TMEM200C: variants seen among roughly 807,000 people sequenced by gnomAD.
TMEM200C encodes the protein transmembrane protein TTMA.
For synonymous variants in TMEM200C, 462 were observed against 324.7 expected (o/e 1.42, Z -4.55); for missense variants, 966 against 699.9 (o/e 1.38, Z -4.29).
Position 5,891,027 on chromosome 18 carries a change from G to C in TMEM200C, c.1037C>G (p.Ala346Gly). Residue 346 changes from alanine (A) to glycine (G), a missense_variant, in exon 3 of 3, where the codon GCC (alanine) becomes GGC (glycine). Transcript: ENST00000581347. This position sits in a 1 kb window ranked among gnomAD's most constrained non-coding sequence, Gnocchi z 4.7. Reference sequence around the variant, plus strand: ...CGCCGGACTGCTGCAGCTGCTAGCGGCTGCGGCGGCGGTGGCAGCGGCGGC... The same window carrying C: ...CGCCGGACTGCTGCAGCTGCTAGCGCCTGCGGCGGCGGTGGCAGCGGCGGC... 1 of 566,642 alleles carries C rather than the reference G, an allele frequency of 1.8e-6. No homozygotes were observed. Among genetic ancestry groups the C allele is most frequent in the Non-Finnish European group, 3.1e-6 (1 of 326,636 alleles). The allele number at this position is 566,642 out of a possible 1,614,324, so 35.1% of individuals were successfully genotyped here. A position where few individuals can be genotyped will look rare whatever the true frequency, so the allele number is the denominator to read the frequency against.
exon 3 of TMEM200C, chr18:5,886,566 C>A (rs1329384719): frequency 6.6e-6 from 1 of 152,000 alleles, no homozygotes; most frequent in Non-Finnish European, 1.5e-5. Context: ...TATGGTTGTC[C>A]CTAACTACTG....
exon 3 of TMEM200C, chr18:5,882,496 A>T (rs761670027): frequency 2.0e-5 from 3 of 152,184 alleles, no homozygotes; most frequent in Admixed American, 6.5e-5. Flanking sequence ...AATCAAAGAA[A>T]GGTTCTAGTT....
chr18:5,891,730 G>A lies in TMEM200C; in HGVS notation c.334C>T (p.Arg112Trp), dbSNP rs1232506672. Reference sequence around the variant, plus strand: ...GGAGCCCTAGGGTGGCTCCTGGACCGGTTTTTGCTGCCACTGCTACTGCTG... The same window carrying A: ...GGAGCCCTAGGGTGGCTCCTGGACCAGTTTTTGCTGCCACTGCTACTGCTG... Residue 112 changes from arginine (R) to tryptophan (W), a missense_variant, in exon 3 of 3, where the codon CGG becomes TGG. Arg to Trp is a moderately radical substitution (Grantham distance 101). Transcript: ENST00000581347. The surrounding 1 kb of genome is among the most constrained non-coding windows in gnomAD (Gnocchi z 4.7). 1.1e-5 allele frequency: 17 copies of A among 1,612,652 alleles called. No individual in the cohort carries two copies. The highest frequency in any genetic ancestry group is 1.3e-5 in the Non-Finnish European group (15 of 1,179,836).
intron 2 of TMEM200C, among the ~76,000 whole-genome samples, chr18:5,893,179 G>C (rs2095172875): frequency 6.6e-6 from 1 of 152,176 alleles, no homozygotes; most frequent in South Asian, 2.1e-4. Flanking sequence ...GGTGCCAAGA[G>C]CATGCTACAG....
exon 3 of TMEM200C, chr18:5,882,652 ATTAC>A (rs1346451379): frequency 1.3e-5 from 2 of 152,226 alleles, no homozygotes; most frequent in East Asian, 1.9e-4. Context: ...GACGCAAACA[ATTAC>A]TTATTATTAG....
At chr18:5,892,428 C>G (rs1408488374) in intron 2 of TMEM200C, among the ~76,000 whole-genome samples, 1 of 152,162 alleles carries the variant, frequency 6.6e-6, no homozygotes, top group Non-Finnish European at 1.5e-5. Flanking sequence ...TTCTTCTCCT[C>G]GCTCCCCACC....
In TMEM200C at chr18:5,890,505, C is replaced by G. The variant is rs762052020; in HGVS notation, c.1559G>C (p.Arg520Pro). Reference sequence around the variant, plus strand: ...ATCCGACTGGGAGCTCCCGGAGTCCCGCCTGGTGGGGGGCGAGCCCTCCAG... The same window carrying G: ...ATCCGACTGGGAGCTCCCGGAGTCCGGCCTGGTGGGGGGCGAGCCCTCCAG... Residue 520 changes from arginine to proline, a missense_variant, in exon 3 of 3, where the codon CGG (arginine) becomes CCG (proline). Transcript: ENST00000581347. 23 of 1,535,230 alleles carry G rather than the reference C, an allele frequency of 1.5e-5. No homozygotes were observed. In the South Asian group the frequency reaches 2.4e-4, roughly 16 times the overall value.
Position 5,890,691 on chromosome 18 carries a change from A to AG in TMEM200C, c.1372dup (p.Leu458ProfsTer72). The AG allele has an allele frequency of 1.9e-6, 1 of 518,118 alleles. No individual in the cohort carries two copies. The highest frequency in any genetic ancestry group is 3.1e-6 in the Non-Finnish European group (1 of 327,196). 32.1% of individuals were successfully genotyped at this position (518,118 alleles called of 1,614,324 possible). ...GGCCGCGTACCTGCCGGTCCTGGGC[A>AG]GGCGGCCGCCCTGCCCCCTGGCGGC... On this transcript the variant is annotated frameshift_variant, in exon 3 of 3. Transcript: ENST00000581347. LOFTEE classifies it low-confidence loss of function (END_TRUNC).
chr18:5,882,801 G>A (rs771743426), exon 3 of TMEM200C: 4 of 152,084 alleles, frequency 2.6e-5, no homozygotes, highest in Non-Finnish European at 4.4e-5. Context: ...CAGGCATGAA[G>A]CTGAAATAAA....
chr18:5,893,566 T>A (rs1055593787), intron 2 of TMEM200C, among the ~76,000 whole-genome samples: 2 of 152,236 alleles, frequency 1.3e-5, no homozygotes, highest in Non-Finnish European at 2.9e-5. Context: ...AAGACTTAGA[T>A]ATCACGCCCA....
At position 5,887,680 on chromosome 18, in the gene TMEM200C, G is replaced by A. The variant is rs2095166382; in HGVS notation, c.*2518C>T. ...AATAGAGTTGCTGTGAGGATTCACT[G>A]AGATCATGTGTACCAAGCTCCTACA... On this transcript the variant is annotated 3_prime_UTR_variant, in exon 3 of 3. Coordinates refer to ENST00000581347, the Ensembl canonical transcript of TMEM200C. The A allele has an allele frequency of 1.3e-5, 2 of 152,180 alleles. 1 individual carries two copies. Among genetic ancestry groups the A allele is most frequent in the South Asian group, 4.1e-4 (2 of 4,830 alleles). The allele number at this position is 152,180 out of a possible 1,614,324, so 9.4% of individuals were successfully genotyped here.
exon 3 of TMEM200C, chr18:5,890,522 G>A (rs1286039594): frequency 6.7e-7 from 1 of 1,501,580 alleles, no homozygotes; most frequent in East Asian, 2.5e-5. Flanking sequence ...TGGGGGGCGA[G>A]CCCTCCAGCC....
chr18:5,892,145 C>A, exon 3 of TMEM200C: 1 of 1,295,740 alleles, frequency 7.7e-7, no homozygotes, highest in Non-Finnish European at 1.1e-6. Flanking sequence ...AGCTGCTCAG[C>A]CACCTCCTCC....
exon 3 of TMEM200C, chr18:5,886,468 A>C (rs528443387): frequency 2.8e-4 from 43 of 152,298 alleles, no homozygotes; most frequent in African/African-American, 1.0e-3. Flanking sequence ...ACCAGGAGGC[A>C]TTGCAGCAGC....
chr18:5,892,214 C>A, intron 2 of TMEM200C, 57 bp from the exon 2 acceptor site: 1 of 751,614 alleles, frequency 1.3e-6, no homozygotes. Context: ...TGACATCTCA[C>A]GCTGCAGCTG....
chr18:5,895,586 AC>A (rs1247629522), intron 1 of TMEM200C, 64 bp from the exon 1 acceptor site: 1 of 20,428 alleles, frequency 4.9e-5, no homozygotes, highest in African/African-American at 2.0e-4. Context: ...CCCCCGCCCC[AC>A]CCCCTCCTCC....
rs1026391925 is a variant in TMEM200C, at chr18:5,891,021, C to A, written c.1043G>T (p.Ser348Ile). ...GCAGGGCGCCGGACTGCTGCAGCTG[C>A]TAGCGGCTGCGGCGGCGGTGGCAGC... Residue 348 changes from serine to isoleucine, a missense_variant, in exon 3 of 3, where the codon AGC becomes ATC. Coordinates refer to ENST00000581347, the Ensembl canonical transcript of TMEM200C. This position sits in a 1 kb window ranked among gnomAD's most constrained non-coding sequence, Gnocchi z 4.7. 14 of 579,162 alleles carry A rather than the reference C, an allele frequency of 2.4e-5. No homozygotes were observed. In the East Asian group the frequency reaches 4.8e-4, roughly 20 times the overall value. 35.9% of individuals were successfully genotyped at this position (579,162 alleles called of 1,614,324 possible).
Position 5,891,775 on chromosome 18 carries a change from G to A in TMEM200C, c.289C>T (p.Arg97Trp), listed in dbSNP as rs750844268. The change falls in exon 3 of 3, where the codon CGG becomes TGG. Residue 97 changes from arginine (R) to tryptophan (W), a missense_variant. Coordinates refer to ENST00000581347, the Ensembl canonical transcript of TMEM200C. The surrounding 1 kb of genome is among the most constrained non-coding windows in gnomAD (Gnocchi z 4.7). ...CTGCTGTTGGCCGTGGTTGGGACCCGGTGGCTGCTGCCCGCAGGCGGCAGC... is the reference window on the plus strand; with the variant it reads ...CTGCTGTTGGCCGTGGTTGGGACCCAGTGGCTGCTGCCCGCAGGCGGCAGC... 4 of 1,608,566 alleles carry A rather than the reference G, an allele frequency of 2.5e-6. No homozygotes were observed. The highest frequency in any genetic ancestry group is 2.7e-5 in the African/African-American group (2 of 74,878).
At chr18:5,892,184 G>A in intron 2 of TMEM200C, 27 bp from the exon 2 acceptor site, 1 of 1,016,946 alleles carries the variant, frequency 9.8e-7, no homozygotes, top group Non-Finnish European at 1.4e-6. Context: ...GACAGTCAGA[G>A]GGTGTCAGCT....
Sources: gnomAD v4.1 joint callset for allele counts (sites outside exome capture counted in the v4.1 genomes callset) on GRCh38, gnomAD v4.1.1 for gene constraint, Gnocchi (gnomAD v3.1) non-coding constraint, MANE v1.5 for transcripts, NCBI Gene and HGNC (gene_info 2026-07-23, HGNC 2026-07-21) for gene names.